Variants in EPHX4 observed in about 807,000 individuals in gnomAD.
The protein encoded by EPHX4 is epoxide hydrolase 4.
EPHX4 carries 31 observed loss-of-function variants against 44.9 expected under a neutral mutation model. The ratio of observed to expected loss-of-function variants is 0.69; its 90% CI spans 0.52 to 0.93. The LOEUF is 0.93. EPHX4 is among the 40% of genes least tolerant of loss of function. The pLI, the probability that EPHX4 is intolerant of heterozygous loss-of-function variation, is 0.00. For synonymous variants in EPHX4, 151 were observed against 159.7 expected (o/e 0.95, Z 0.41); for missense variants, 373 against 438.1 (o/e 0.85, Z 1.33).
chr1:92,060,913 C>T (rs1181081498), intron 6 of EPHX4, among the ~76,000 whole-genome samples: 3 of 149,870 alleles, frequency 2.0e-5, no homozygotes, highest in African/African-American at 7.4e-5. Flanking sequence ...ACGGAGTTTG[C>T]TCTGTTCCCC....
intron 6 of EPHX4, among the ~76,000 whole-genome samples, chr1:92,058,374 G>A (rs1382719277): frequency 6.6e-6 from 1 of 151,746 alleles, no homozygotes; most frequent in African/African-American, 2.4e-5. Flanking sequence ...CTGGGAGGTG[G>A]AGGTTGTGGT....
chr1:92,050,106 T>A (rs1570694756), intron 4 of EPHX4, among the ~76,000 whole-genome samples: 1 of 150,716 alleles, frequency 6.6e-6, no homozygotes, highest in African/African-American at 2.4e-5. Context: ...CTCAAAAAAA[T>A]AAAAAATAAA....
intron 6 of EPHX4, 55 bp from the exon 7 acceptor site, chr1:92,063,000 A>G (rs967499856): frequency 8.0e-6 from 12 of 1,491,926 alleles, no homozygotes; most frequent in Non-Finnish European, 1.0e-5. Flanking sequence ...ACTATAGGAA[A>G]ATGTCATTTT....
intron 3 of EPHX4, among the ~76,000 whole-genome samples, chr1:92,044,414 G>A (rs190319639): frequency 2.6e-5 from 4 of 152,250 alleles, no homozygotes; most frequent in Non-Finnish European, 4.4e-5. Flanking sequence ...TTATGTCTAC[G>A]TGTGTGTATT....
intron 6 of EPHX4, among the ~76,000 whole-genome samples, chr1:92,060,661 G>A (rs1376224971): frequency 1.3e-5 from 2 of 151,972 alleles, no homozygotes; most frequent in Non-Finnish European, 2.9e-5. Context: ...GCTCACACCT[G>A]TAATCCCAGC....
At chr1:92,033,769 G>A (rs927772512) in intron 2 of EPHX4, among the ~76,000 whole-genome samples, 3 of 152,010 alleles carry the variant, frequency 2.0e-5, no homozygotes, top group Non-Finnish European at 4.4e-5. Flanking sequence ...CTGGAGACTG[G>A]GAAATCCAAG....
At chr1:92,048,218 A>AG (rs1488931036) in intron 4 of EPHX4, among the ~76,000 whole-genome samples, 3 of 152,198 alleles carry the variant, frequency 2.0e-5, no homozygotes, top group African/African-American at 7.2e-5. Flanking sequence ...CACTTGGTAT[A>AG]GTGAGGTATA....
chr1:92,054,125 A>G (rs1188325005), intron 6 of EPHX4, among the ~76,000 whole-genome samples: 3 of 152,096 alleles, frequency 2.0e-5, no homozygotes, highest in East Asian at 3.9e-4. Flanking sequence ...AATTTGTGCT[A>G]CCTCCATGAT....
At chr1:92,052,792 G>A (rs1647290761) in intron 6 of EPHX4, 134 bp downstream of exon 6, 2 of 767,682 alleles carry the variant, frequency 2.6e-6, no homozygotes, top group African/African-American at 1.8e-5. Flanking sequence ...TTAGTAAGTT[G>A]CATAATCTTT....
At chr1:92,030,838 A>C (rs1342765294) in intron 1 of EPHX4, among the ~76,000 whole-genome samples, 2 of 152,316 alleles carry the variant, frequency 1.3e-5, no homozygotes, top group East Asian at 3.9e-4. Context: ...TGCATGAAAC[A>C]ATAAGTAAAT....
chr1:92,047,283 C>CCTA (rs1224760159), intron 4 of EPHX4, among the ~76,000 whole-genome samples: 4 of 151,904 alleles, frequency 2.6e-5, no homozygotes, highest in East Asian at 1.9e-4. Flanking sequence ...GTGGTGTGCA[C>CCTA]CTGTAGTCCC....
chr1:92,053,394 A>G (rs1647299669), intron 6 of EPHX4, among the ~76,000 whole-genome samples: 1 of 152,152 alleles, frequency 6.6e-6, no homozygotes, highest in Non-Finnish European at 1.5e-5. Flanking sequence ...GAGGTGGGTA[A>G]GTAGACCATA....
At chr1:92,030,753 A>T (rs1688348336) in intron 1 of EPHX4, among the ~76,000 whole-genome samples, 1 of 152,078 alleles carries the variant, frequency 6.6e-6, no homozygotes, top group African/African-American at 2.4e-5. Context: ...GTTCTTGCCC[A>T]ATTTTAGAGA....
chr1:92,053,262 A>C (rs1287787126), intron 6 of EPHX4, among the ~76,000 whole-genome samples: 1 of 152,172 alleles, frequency 6.6e-6, no homozygotes, highest in East Asian at 1.9e-4. Flanking sequence ...AAAAGGAAAC[A>C]GCAGGTACCA....
intron 3 of EPHX4, 100 bp downstream of exon 3, chr1:92,043,080 A>C: frequency 1.1e-6 from 1 of 946,648 alleles, no homozygotes; most frequent in Non-Finnish European, 1.5e-6. Flanking sequence ...TATTCCATCT[A>C]CCCAAATTAT....
At chr1:92,050,892 G>A (rs1309214736) in intron 5 of EPHX4, among the ~76,000 whole-genome samples, 1 of 152,066 alleles carries the variant, frequency 6.6e-6, no homozygotes, top group African/African-American at 2.4e-5. Flanking sequence ...TGTCACCCAG[G>A]CTGGAGTGCA....
At chr1:92,037,684 G>A (rs1041214375) in intron 2 of EPHX4, among the ~76,000 whole-genome samples, 9 of 152,176 alleles carry the variant, frequency 5.9e-5, no homozygotes, top group South Asian at 2.1e-4. Flanking sequence ...TAAAGAGGAG[G>A]AGGATAGTCT....
intron 2 of EPHX4, among the ~76,000 whole-genome samples, chr1:92,039,732 C>A (rs1002999186): frequency 7.9e-5 from 12 of 152,016 alleles, no homozygotes; most frequent in East Asian, 1.9e-4. Flanking sequence ...CGGCTCACTG[C>A]AACCTCCATC....
intron 2 of EPHX4, among the ~76,000 whole-genome samples, chr1:92,036,852 C>A (rs952489660): frequency 6.6e-6 from 1 of 152,060 alleles, no homozygotes; most frequent in Admixed American, 6.5e-5. Flanking sequence ...TACTCTAAAC[C>A]AAGACCCCTG....
Sources: allele counts gnomAD v4.1 joint callset (sites outside exome capture counted in the v4.1 genomes callset), GRCh38; gene constraint gnomAD v4.1.1; transcripts MANE v1.5; gene names NCBI Gene and HGNC (gene_info 2026-07-23, HGNC 2026-07-21).